Variants in LAMC1 observed in about 807,000 individuals in gnomAD.
The protein encoded by LAMC1 is laminin subunit gamma-1.
LAMC1 carries 38 observed loss-of-function variants against 173.6 expected under a neutral mutation model. The observed-to-expected ratio is 0.22, with a 90% CI of 0.17 to 0.29. LAMC1 has a LOEUF of 0.29. Ranked by LOEUF, LAMC1 falls within the 10% of genes least tolerant of loss-of-function variation. The pLI is 1.00. For synonymous variants in LAMC1, 746 were observed against 749.1 expected (o/e 1.00, Z 0.07); for missense variants, 1,824 against 2,051.8 (o/e 0.89, Z 2.14).
chr1:183,142,499 G>A (rs2102119252), intron 27 of LAMC1, 35 bp from the exon 28 acceptor site: 1 of 1,570,526 alleles, frequency 6.4e-7, no homozygotes, highest in Non-Finnish European at 8.6e-7. Flanking sequence ...TACTGAATAT[G>A]TCTGTTCTCT....
chr1:183,097,274 T>A (rs1238363823), intron 1 of LAMC1, among the ~76,000 whole-genome samples: 1 of 152,242 alleles, frequency 6.6e-6, no homozygotes, highest in East Asian at 1.9e-4. Flanking sequence ...CCATCTCTAA[T>A]TGACTTTGTG....
chr1:183,096,381 G>A lies in LAMC1; in HGVS notation c.419-6947G>A, dbSNP rs532624180. 2.6e-5 allele frequency among the ~76,000 whole-genome samples: 4 copies of A among 152,212 alleles called. No homozygotes were observed. In the East Asian group the frequency reaches 7.7e-4, roughly 29 times the overall value. On this transcript the variant is annotated intron_variant, in intron 1 of 27. Coordinates refer to ENST00000258341, the MANE Select transcript of LAMC1 (RefSeq NM_002293.4). ...ATAATAGCTTTTGATACAGAATTCT[G>A]TTAGCTTTAAAAAATTCTAAAATGA...
chr1:183,048,660 G>A (rs1654331390), intron 1 of LAMC1, among the ~76,000 whole-genome samples: 1 of 152,120 alleles, frequency 6.6e-6, no homozygotes, highest in Admixed American at 6.6e-5. Flanking sequence ...CCACTTGTAA[G>A]TTATATATGT....
chr1:183,133,773 G>C (rs1022211780), intron 22 of LAMC1, among the ~76,000 whole-genome samples: 4 of 152,084 alleles, frequency 2.6e-5, no homozygotes, highest in Non-Finnish European at 4.4e-5. Context: ...TTGAGGCCAG[G>C]AGTTCAAGAC....
At chr1:183,079,928 C>T (rs1655224870) in intron 1 of LAMC1, among the ~76,000 whole-genome samples, 1 of 152,118 alleles carries the variant, frequency 6.6e-6, no homozygotes, top group Admixed American at 6.6e-5. Context: ...AATGATAATG[C>T]CATCCATGAC....
chr1:183,058,846 A>G (rs1437323497), intron 1 of LAMC1, among the ~76,000 whole-genome samples: 1 of 152,204 alleles, frequency 6.6e-6, no homozygotes, highest in Non-Finnish European at 1.5e-5. Context: ...AGCCACCAAC[A>G]AAAAGCTACC....
rs1657228971 is a variant in LAMC1 at position 183,145,385 on chromosome 1, G to T, written c.*2595G>T. 1 of 152,564 alleles carries T rather than the reference G, an allele frequency of 6.6e-6. No homozygotes were observed. Among genetic ancestry groups the T allele is most frequent in the South Asian group, 2.1e-4 (1 of 4,826 alleles). 9.5% of individuals were successfully genotyped at this position (152,564 alleles called of 1,614,324 possible). ...GCTGCAGAATGCTGGTTGACACAGG[G>T]ATTATTATACTGCTATTTTTCCCTG... On this transcript the variant is annotated 3_prime_UTR_variant, in exon 28 of 28. Transcript: ENST00000258341.
intron 1 of LAMC1, among the ~76,000 whole-genome samples, chr1:183,046,404 G>A (rs984669339): frequency 1.3e-5 from 2 of 152,024 alleles, no homozygotes; most frequent in Admixed American, 6.6e-5. Flanking sequence ...CATTGAGTTT[G>A]TGTATCCATT....
chr1:183,128,901 T>C (rs1656702069), intron 18 of LAMC1, 151 bp downstream of exon 18: 2 of 522,330 alleles, frequency 3.8e-6, no homozygotes, highest in Admixed American at 3.9e-5. Flanking sequence ...TAAACACTAA[T>C]TCAAAAAGCA....
chr1:183,077,170 C>T (rs1411698847), intron 1 of LAMC1, among the ~76,000 whole-genome samples: 1 of 152,060 alleles, frequency 6.6e-6, no homozygotes, highest in East Asian at 1.9e-4. Flanking sequence ...CTGCATTTCT[C>T]CTTTTTTTTT....
At chr1:183,079,624 G>A (rs1655216806) in intron 1 of LAMC1, among the ~76,000 whole-genome samples, 1 of 152,056 alleles carries the variant, frequency 6.6e-6, no homozygotes, top group South Asian at 2.1e-4. Context: ...TTGAGGACTT[G>A]TCCTGTGCAG....
chr1:183,128,470 T>TAA, intron 17 of LAMC1, 124 bp from the exon 18 acceptor site: 62 of 612,960 alleles, frequency 1.0e-4, no homozygotes, highest in African/African-American at 1.5e-4. Flanking sequence ...TAATAATAAT[T>TAA]AAAAAAAAAA....
chr1:183,031,935 G>GAA lies in LAMC1; in HGVS notation c.418+7809_418+7810dup, dbSNP rs11383690. Among the ~76,000 whole-genome samples the GAA allele has an allele frequency of 6.6e-5, 10 of 150,512 alleles. No individual in the cohort carries two copies. In the South Asian group the frequency reaches 1.9e-3, roughly 28 times the overall value. On this transcript the variant is annotated intron_variant, in intron 1 of 27. Coordinates refer to ENST00000258341, the MANE Select transcript of LAMC1 (RefSeq NM_002293.4). ...AAAAATAAGAAAAAAAAAGATTAAA[G>GAA]AAAAAAAAACACATATGTAAAAGGG...
chr1:183,136,477 T>C lies in LAMC1; in HGVS notation c.4206T>C (p.Asn1402=). Residue 1402 remains asparagine (N), a synonymous_variant, in exon 25 of 28, where the codon AAT becomes AAC. Transcript: ENST00000258341. ...TCAACCAGACCATCACTGAAGCCAA[T>C]GAAAAGACCAGAGAAGCCCAGCAGG... ...PAINQTITEA[N]EKTREAQQAL... is the part of the protein sequence containing the mutation. The C allele has an allele frequency of 6.2e-7, 1 of 1,614,198 alleles. No individual in the cohort carries two copies. Among genetic ancestry groups the C allele is most frequent in the Non-Finnish European group, 8.5e-7 (1 of 1,180,034 alleles).
intron 1 of LAMC1, among the ~76,000 whole-genome samples, chr1:183,047,849 A>G (rs1022786093): frequency 2.2e-4 from 34 of 152,362 alleles, no homozygotes; most frequent in African/African-American, 5.3e-4. Context: ...AGCCTAGAAC[A>G]TAACTTTGTC....
chr1:183,047,814 T>TA (rs1380010698), intron 1 of LAMC1, among the ~76,000 whole-genome samples: 1 of 152,220 alleles, frequency 6.6e-6, no homozygotes, highest in Non-Finnish European at 1.5e-5. Context: ...TTTGTGCTAT[T>TA]AAAAAACCTG....
intron 1 of LAMC1, among the ~76,000 whole-genome samples, chr1:183,090,741 G>A (rs1428628439): frequency 6.6e-6 from 1 of 152,030 alleles, no homozygotes; most frequent in African/African-American, 2.4e-5. Context: ...TCCCAGCTAC[G>A]ATTACTGTTT....
At chr1:183,118,183 A>G (rs1487448093) in intron 11 of LAMC1, 37 bp downstream of exon 11, 1 of 1,206,596 alleles carries the variant, frequency 8.3e-7, no homozygotes, top group African/African-American at 1.5e-5. Context: ...TTGTTTAAAA[A>G]GATGATTGGT....
chr1:183,090,010 T>A (rs1406243424), intron 1 of LAMC1, among the ~76,000 whole-genome samples: 3 of 152,254 alleles, frequency 2.0e-5, no homozygotes, highest in Non-Finnish European at 4.4e-5. Context: ...AGAAGTCTCC[T>A]CTGTTTTAAC....
Sources: allele counts gnomAD v4.1 joint callset (sites outside exome capture counted in the v4.1 genomes callset), GRCh38; gene constraint gnomAD v4.1.1; transcripts MANE v1.5; gene names NCBI Gene and HGNC (gene_info 2026-07-23, HGNC 2026-07-21).